The following ADGRB3 variants were observed in gnomAD, a reference collection of about 807,000 sequenced individuals.
ADGRB3 encodes the protein adhesion G protein-coupled receptor B3.
ADGRB3 carries 37 observed loss-of-function variants against 193.4 expected under a neutral mutation model. The observed-to-expected ratio is 0.19, with a 90% CI of 0.15 to 0.25. The LOEUF (loss-of-function observed/expected upper bound fraction) is 0.25. Ranked by LOEUF, ADGRB3 falls within the 10% of genes least tolerant of loss-of-function variation. The probability of loss-of-function intolerance (pLI) is 1.00; values close to 1 mark genes in which losing one functional copy is unlikely to be tolerated. For missense variants in ADGRB3, 1,637 were observed against 1,852.9 expected (o/e 0.88, Z 2.14); for synonymous variants, 690 against 644.2 (o/e 1.07, Z -1.08).
intron 20 of ADGRB3, among the ~76,000 whole-genome samples, chr6:69,246,603 A>G (rs1766503250): frequency 6.6e-6 from 1 of 152,194 alleles, no homozygotes; most frequent in African/African-American, 2.4e-5. Context: ...TTGATTATTC[A>G]TTTCCAGATT....
At chr6:69,241,571 C>T (rs1470923539) in intron 20 of ADGRB3, among the ~76,000 whole-genome samples, 1 of 151,928 alleles carries the variant, frequency 6.6e-6, no homozygotes, top group African/African-American at 2.4e-5. Context: ...GTTTGACCTT[C>T]ACAGGTTTTC....
intron 20 of ADGRB3, among the ~76,000 whole-genome samples, chr6:69,250,827 A>C (rs2127266758): frequency 6.6e-6 from 1 of 152,342 alleles, no homozygotes. Flanking sequence ...GTTATAAATC[A>C]TATCGTGATT....
intron 3 of ADGRB3, among the ~76,000 whole-genome samples, chr6:68,884,188 C>T (rs933574237): frequency 1.3e-5 from 2 of 152,276 alleles, no homozygotes; most frequent in African/African-American, 4.8e-5. Flanking sequence ...TTAACATATA[C>T]TCTTTCACTT....
chr6:68,840,702 A>G (rs528476001), intron 3 of ADGRB3, among the ~76,000 whole-genome samples: 68 of 152,110 alleles, frequency 4.5e-4, no homozygotes, highest in African/African-American at 1.5e-3. Flanking sequence ...CAAACAAACA[A>G]ACAAACAAAA....
At chr6:69,024,811 G>A (rs60847833) in intron 13 of ADGRB3, among the ~76,000 whole-genome samples, 4 of 152,140 alleles carry the variant, frequency 2.6e-5, no homozygotes, top group South Asian at 2.1e-4. Context: ...ATATTAAGGC[G>A]ACCGGGCACG....
intron 20 of ADGRB3, among the ~76,000 whole-genome samples, chr6:69,259,617 A>C (rs1191562989): frequency 2.0e-5 from 3 of 147,588 alleles, no homozygotes; most frequent in African/African-American, 7.6e-5. Context: ...AATGGCATGA[A>C]CTCGGGAGGC....
intron 17 of ADGRB3, among the ~76,000 whole-genome samples, chr6:69,185,880 A>G (rs1765055658): frequency 6.6e-6 from 1 of 152,190 alleles, no homozygotes; most frequent in Non-Finnish European, 1.5e-5. Flanking sequence ...TTGTATTTCC[A>G]ATAAAAAAAT....
chr6:68,819,899 A>G (rs138445738), intron 3 of ADGRB3, among the ~76,000 whole-genome samples: 43 of 152,090 alleles, frequency 2.8e-4, no homozygotes, highest in African/African-American at 1.0e-3. Context: ...TTCCCCGAAT[A>G]TCATCAAATA....
chr6:68,904,292 A>G (rs1172773736), intron 3 of ADGRB3, among the ~76,000 whole-genome samples: 1 of 152,204 alleles, frequency 6.6e-6, no homozygotes, highest in Admixed American at 6.5e-5. Flanking sequence ...AATGCATTGC[A>G]CTATGTAATG....
intron 3 of ADGRB3, among the ~76,000 whole-genome samples, chr6:68,762,493 T>C (rs1766411814): frequency 6.6e-6 from 1 of 151,732 alleles, no homozygotes; most frequent in South Asian, 2.1e-4. Flanking sequence ...TGAATATATA[T>C]ATATAGAGAG....
At chr6:68,700,743 T>A (rs1317120077) in intron 3 of ADGRB3, among the ~76,000 whole-genome samples, 1 of 147,624 alleles carries the variant, frequency 6.8e-6, no homozygotes, top group Non-Finnish European at 1.5e-5. Context: ...ACACCGCATG[T>A]TCTCACTCAC....
chr6:68,644,439 C>A (rs1031371928), intron 3 of ADGRB3, among the ~76,000 whole-genome samples: 1 of 152,070 alleles, frequency 6.6e-6, no homozygotes, highest in African/African-American at 2.4e-5. Flanking sequence ...CATTTTCTAT[C>A]TCTTTATTTG....
At chr6:69,124,482 A>G (rs558907517) in intron 17 of ADGRB3, among the ~76,000 whole-genome samples, 3 of 152,290 alleles carry the variant, frequency 2.0e-5, no homozygotes, top group South Asian at 2.1e-4. Flanking sequence ...CTCAGTGTGT[A>G]TGTGATTCTT....
intron 20 of ADGRB3, among the ~76,000 whole-genome samples, chr6:69,320,825 A>ATATGTG (rs1554195960): frequency 2.7e-5 from 4 of 146,262 alleles, no homozygotes; most frequent in African/African-American, 5.0e-5. Context: ...GCATGTGTGT[A>ATATGTG]TGTGTGTGTG....
At chr6:68,707,542 TA>T (rs1387882522) in intron 3 of ADGRB3, among the ~76,000 whole-genome samples, 1 of 152,200 alleles carries the variant, frequency 6.6e-6, no homozygotes, top group Non-Finnish European at 1.5e-5. Flanking sequence ...ACATTTAACA[TA>T]ATTGACATAA....
In ADGRB3 at chr6:69,283,764, A is replaced by G. The variant is rs146626514; in HGVS notation, c.2815-41108A>G. Among the ~76,000 whole-genome samples, 9 of 152,308 alleles carry G rather than the reference A, an allele frequency of 5.9e-5. No individual in the cohort carries two copies. The East Asian group carries it at 1.7e-3, about 29-fold the overall frequency. ...TGTAGTCCACTTCATTTGATATGCA[A>G]TCAAATAGATTTGCAGATAATCTAA... On this transcript the variant is annotated intron_variant, in intron 20 of 31. Coordinates refer to ENST00000370598, the MANE Select transcript of ADGRB3 (RefSeq NM_001704.3).
At chr6:69,115,636 A>G (rs1413650247) in intron 17 of ADGRB3, among the ~76,000 whole-genome samples, 1 of 152,238 alleles carries the variant, frequency 6.6e-6, no homozygotes, top group Non-Finnish European at 1.5e-5. Context: ...TAAAATTGGC[A>G]AACAATAAAT....
intron 3 of ADGRB3, among the ~76,000 whole-genome samples, chr6:68,720,251 C>T (rs1216036633): frequency 6.6e-6 from 1 of 151,618 alleles, no homozygotes; most frequent in Non-Finnish European, 1.5e-5. Context: ...TAGAATGTAT[C>T]CATAGTAGAA....
chr6:69,264,581 T>C (rs1405664574), intron 20 of ADGRB3, among the ~76,000 whole-genome samples: 1 of 151,868 alleles, frequency 6.6e-6, no homozygotes, highest in Non-Finnish European at 1.5e-5. Context: ...ATTATAGTGC[T>C]GCACATACTA....
Sources: gnomAD v4.1 joint callset for allele counts (sites outside exome capture counted in the v4.1 genomes callset) on GRCh38, gnomAD v4.1.1 for gene constraint, MANE v1.5 for transcripts, NCBI Gene and HGNC (gene_info 2026-07-23, HGNC 2026-07-21) for gene names.